CEP78: variants seen among roughly 807,000 people sequenced by gnomAD.
The protein encoded by CEP78 is centrosomal protein of 78 kDa.
Under a neutral mutation model 81.2 loss-of-function variants are expected in CEP78, and 76 were observed. The observed-to-expected ratio is 0.94, with a 90% CI of 0.78 to 1.13. The LOEUF is 1.13. CEP78 is among the 50% of genes most tolerant of loss of function. The pLI is 0.00. For synonymous variants in CEP78, 293 were observed against 301.4 expected, an observed-to-expected ratio of 0.97 and a Z score of 0.29; for missense variants, 918 against 846.8, an observed-to-expected ratio of 1.08 and a Z score of -1.04.
At chr9:78,242,120 A>G (rs1826262039) in intron 4 of CEP78, among the ~76,000 whole-genome samples, 1 of 152,210 alleles carries the variant, frequency 6.6e-6, no homozygotes, top group African/African-American at 2.4e-5. Context: ...TTACATAATA[A>G]TGTGACATGA....
intron 8 of CEP78, among the ~76,000 whole-genome samples, chr9:78,251,639 ATATTTTAGTTAAAGTGATAACTTG>A (rs1826764958): frequency 6.6e-6 from 1 of 151,854 alleles, no homozygotes; most frequent in Admixed American, 6.6e-5. Flanking sequence ...TATTCAACTT[ATATTTTAGTTAAAGTGATAACTTG>A]TTACTCTAGA....
intron 4 of CEP78, among the ~76,000 whole-genome samples, chr9:78,243,250 G>T (rs969499024): frequency 3.3e-5 from 5 of 152,072 alleles, no homozygotes; most frequent in African/African-American, 1.2e-4. Context: ...TAGTGGTTAG[G>T]GTCACATAGC....
At chr9:78,238,913 C>T (rs946978892) in intron 1 of CEP78, among the ~76,000 whole-genome samples, 4 of 151,746 alleles carry the variant, frequency 2.6e-5, no homozygotes, top group Middle Eastern at 3.2e-3. Flanking sequence ...CTCTTGAGCC[C>T]GGGAGGTTGA....
intron 5 of CEP78, among the ~76,000 whole-genome samples, chr9:78,245,840 A>G (rs1357882556): frequency 2.6e-5 from 4 of 152,116 alleles, no homozygotes; most frequent in Admixed American, 6.5e-5. Context: ...CATTATTTCT[A>G]TCTCCTTAGA....
At chr9:78,269,968 A>G (rs1206086336) in intron 16 of CEP78, among the ~76,000 whole-genome samples, 4 of 152,250 alleles carry the variant, frequency 2.6e-5, no homozygotes, top group Admixed American at 1.3e-4. Context: ...GGGGATGTAC[A>G]TATTTGAATT....
At chr9:78,254,065 A>G (rs1366950577) in intron 10 of CEP78, 2 of 152,162 alleles carry the variant, frequency 1.3e-5, no homozygotes, top group East Asian at 1.9e-4. Context: ...GACACAGTCA[A>G]TTTTGAAATA....
Position 78,275,564 on chromosome 9 carries a change from C to T in CEP78, c.*4713C>T, listed in dbSNP as rs767448408. ...AGGTTGCAGTGAGCTGAGGTCACAC[C>T]GTTGCACTCTAGCCTGGGAGACAAG... is the stretch of plus-strand genomic sequence containing the variant. On this transcript the variant is annotated 3_prime_UTR_variant, in exon 17 of 17. Transcript: ENST00000643273. 10 of 143,840 alleles carry T rather than the reference C, an allele frequency of 7.0e-5. No individual in the cohort carries two copies. Among genetic ancestry groups the T allele is most frequent in the Non-Finnish European group, 1.5e-4 (10 of 67,272 alleles). 8.9% of individuals were successfully genotyped at this position (143,840 alleles called of 1,614,324 possible). A position where few individuals can be genotyped will look rare whatever the true frequency, so the allele number is the denominator to read the frequency against.
At chr9:78,239,592 T>C (rs1826121511) in intron 1 of CEP78, among the ~76,000 whole-genome samples, 1 of 152,200 alleles carries the variant, frequency 6.6e-6, no homozygotes, top group African/African-American at 2.4e-5. Context: ...GAGGTAAAAG[T>C]GAACTCTCCT....
chr9:78,248,942 C>T (rs772295145), intron 8 of CEP78, 69 bp downstream of exon 8: 1 of 718,654 alleles, frequency 1.4e-6, no homozygotes, highest in Non-Finnish European at 2.3e-6. Context: ...AATCTCTTCT[C>T]ATTGTATGAT....
At position 78,236,156 on chromosome 9, in the gene CEP78, G is replaced by C. The variant is rs1563971573; in HGVS notation, c.-195G>C. 7.0e-6 allele frequency: 4 copies of C among 567,838 alleles called. No individual in the cohort carries two copies. Among genetic ancestry groups the C allele is most frequent in the African/African-American group, 6.1e-5 (3 of 49,408 alleles). 35.2% of individuals were successfully genotyped at this position (567,838 alleles called of 1,614,324 possible). Reference sequence around the variant, plus strand: ...CAGGGCGGGAGGCAGCGCGGGAGTGGGGCGTTGAGGGGCCGGCCTAGCTTG... The same window carrying C: ...CAGGGCGGGAGGCAGCGCGGGAGTGCGGCGTTGAGGGGCCGGCCTAGCTTG... On this transcript the variant is annotated 5_prime_UTR_variant, in exon 1 of 17. Transcript: ENST00000643273.
intron 11 of CEP78, 106 bp from the exon 12 acceptor site, chr9:78,262,801 C>A (rs1827333122): frequency 1.8e-6 from 1 of 567,326 alleles, no homozygotes; most frequent in African/African-American, 1.9e-5. Context: ...TATCTGAGTT[C>A]ACTTCTGGCT....
At position 78,243,483 on chromosome 9, in the gene CEP78, G is replaced by T. The variant is rs374154692; in HGVS notation, c.625G>T (p.Glu209Ter). Residue 209 changes from glutamate (E) to a stop codon, truncating the protein, a stop_gained, in exon 5 of 17, where the codon GAA (glutamate) becomes TAA (stop). Coordinates refer to ENST00000643273, the MANE Select transcript of CEP78 (RefSeq NM_001330691.3). LOFTEE classifies it high-confidence loss of function. ...GAAGTATCAGACCATGAGAAGGCAT[G>T]AAGAAACCTGGGCTGAGAGTCTTCG... ...ILKYQTMRRHEETWAESLRYR... is the reference protein window; with the variant it reads ...ILKYQTMRRH 1.9e-6 allele frequency: 3 copies of T among 1,613,244 alleles called. No individual in the cohort carries two copies. The highest frequency in any genetic ancestry group is 1.7e-5 in the Admixed American group (1 of 59,850).
intron 8 of CEP78, among the ~76,000 whole-genome samples, chr9:78,251,305 C>A (rs150300170): frequency 2.0e-5 from 3 of 152,214 alleles, no homozygotes; most frequent in Non-Finnish European, 4.4e-5. Flanking sequence ...GGCTCACCTA[C>A]TACCCAGCTA....
intron 15 of CEP78, 31 bp from the exon 16 acceptor site, chr9:78,266,411 C>T (rs1827533692): frequency 1.3e-6 from 2 of 1,522,374 alleles, no homozygotes; most frequent in African/African-American, 2.8e-5. Flanking sequence ...CTTTGTTTGT[C>T]ACTAAATTTT....
Position 78,240,053 on chromosome 9 carries a change from G to C in CEP78, c.284G>C (p.Arg95Pro). ...GACATGAATAAATTTTGCAGAAGTC[G>C]TGTTCCTGCGATAAGATACAAAGAT... ...GSDMNKFCRS[R>P]VPAIRYKDVT... Residue 95 changes from arginine (R) to proline (P), a missense_variant, in exon 2 of 17, where the codon CGT becomes CCT. Transcript: ENST00000643273. 1.3e-6 allele frequency: 2 copies of C among 1,581,814 alleles called. No individual in the cohort carries two copies. The highest frequency in any genetic ancestry group is 1.7e-6 in the Non-Finnish European group (2 of 1,172,128).
At position 78,236,275 on chromosome 9, in the gene CEP78, G is replaced by A. The variant is rs1315185530; in HGVS notation, c.-76G>A. 4 of 1,355,974 alleles carry A rather than the reference G, an allele frequency of 2.9e-6. No homozygotes were observed. The highest frequency in any genetic ancestry group is 2.6e-5 in the South Asian group (2 of 75,958). The allele number at this position is 1,355,974 out of a possible 1,614,324, so 84.0% of individuals were successfully genotyped here. On this transcript the variant is annotated 5_prime_UTR_variant, in exon 1 of 17. Coordinates refer to ENST00000643273, the MANE Select transcript of CEP78 (RefSeq NM_001330691.3). ...CTGGCCGTGGGTGCCGGAGCGGCCGGGTTGCGACTCAGCGTTCTTGGGTGG... is the reference window on the plus strand; with the variant it reads ...CTGGCCGTGGGTGCCGGAGCGGCCGAGTTGCGACTCAGCGTTCTTGGGTGG...
Position 78,243,632 on chromosome 9 carries a change from G to C in CEP78, c.774G>C (p.Leu258=), listed in dbSNP as rs752835649. 2 of 1,611,998 alleles carry C rather than the reference G, an allele frequency of 1.2e-6. No individual in the cohort carries two copies. Among genetic ancestry groups the C allele is most frequent in the East Asian group, 2.2e-5 (1 of 44,812 alleles). The change falls in exon 5 of 17, where the codon CTG becomes CTC. Residue 258 remains leucine (L), a synonymous_variant. Coordinates refer to ENST00000643273, the MANE Select transcript of CEP78 (RefSeq NM_001330691.3). ...ACTCTCTCAGTGAGGATTTATGGCT[G>C]AGAGGTAAGTTAAATGAACTTGTAA... ...FADSLSEDLW[L]RALDLQQCGL...
At chr9:78,268,576 A>G (rs1010314937) in intron 16 of CEP78, among the ~76,000 whole-genome samples, 1 of 151,832 alleles carries the variant, frequency 6.6e-6, no homozygotes, top group African/African-American at 2.4e-5. Context: ...TTTGTCTTTG[A>G]TTTTTAAATG....
intron 5 of CEP78, among the ~76,000 whole-genome samples, chr9:78,246,240 G>A (rs1403622617): frequency 2.0e-5 from 3 of 152,098 alleles, no homozygotes. Flanking sequence ...TTAAAAACTG[G>A]CCATGAGTAG....
Sources: gnomAD v4.1 joint callset for allele counts (sites outside exome capture counted in the v4.1 genomes callset) on GRCh38, gnomAD v4.1.1 for gene constraint, MANE v1.5 for transcripts, NCBI Gene and HGNC (gene_info 2026-07-23, HGNC 2026-07-21) for gene names.